The following MTUS2 variants were observed in gnomAD, a reference collection of about 807,000 sequenced individuals.
MTUS2 encodes microtubule associated scaffold protein 2, also known as microtubule-associated tumor suppressor candidate 2.
In MTUS2, 40 loss-of-function variants were observed where a neutral mutation model predicts 114.1. The observed-to-expected ratio is 0.35, with a 90% CI of 0.27 to 0.46. MTUS2 has a LOEUF of 0.46. MTUS2 is among the 20% of genes least tolerant of loss of function. The probability of loss-of-function intolerance (pLI) is 1.00; values close to 1 mark genes in which losing one functional copy is unlikely to be tolerated. For missense variants in MTUS2, 1,679 were observed against 1,705.4 expected (o/e 0.98, Z 0.27); for synonymous variants, 688 against 672.0 (o/e 1.02, Z -0.37).
At chr13:29,272,397 ATCT>A (rs1391605643) in intron 5 of MTUS2, among the ~76,000 whole-genome samples, 2 of 152,192 alleles carry the variant, frequency 1.3e-5, no homozygotes, top group Non-Finnish European at 2.9e-5. Context: ...CTATGATGCC[ATCT>A]TCTTATTAAT....
chr13:29,487,370 A>G (rs1881698464), intron 10 of MTUS2: 1 of 153,690 alleles, frequency 6.5e-6, no homozygotes. Flanking sequence ...AACGTTTCAT[A>G]TTTCTCTTAG....
chr13:29,311,305 T>C (rs1899750444), intron 6 of MTUS2, among the ~76,000 whole-genome samples: 1 of 152,232 alleles, frequency 6.6e-6, no homozygotes, highest in African/African-American at 2.4e-5. Context: ...TGGCTGCCAG[T>C]GATCTTCTAT....
intron 9 of MTUS2, among the ~76,000 whole-genome samples, chr13:29,473,380 G>A (rs1220053732): frequency 6.6e-6 from 1 of 152,034 alleles, no homozygotes. Context: ...AAGACACTTG[G>A]GACAGTCGTT....
chr13:28,912,132 A>C (rs1415355379), intron 2 of MTUS2, among the ~76,000 whole-genome samples: 2 of 151,260 alleles, frequency 1.3e-5, no homozygotes, highest in East Asian at 3.9e-4. Context: ...TTATTTTTTT[A>C]ATAGTTTTGA....
chr13:29,487,703 A>T (rs1881729171), intron 10 of MTUS2, 197 bp from the exon 11 acceptor site: 1 of 596,608 alleles, frequency 1.7e-6, no homozygotes, highest in Admixed American at 2.8e-5. Context: ...CCCCCTACAA[A>T]GAGCCAGGTT....
At chr13:29,225,766 G>T (rs905691067) in intron 5 of MTUS2, among the ~76,000 whole-genome samples, 4 of 152,112 alleles carry the variant, frequency 2.6e-5, no homozygotes, top group Non-Finnish European at 5.9e-5. Context: ...CTGACCGAAA[G>T]AATATTTTCT....
At chr13:28,912,009 C>T (rs972229544) in intron 2 of MTUS2, among the ~76,000 whole-genome samples, 5 of 151,840 alleles carry the variant, frequency 3.3e-5, no homozygotes, top group African/African-American at 7.2e-5. Context: ...TAGTTTAATT[C>T]GATTCCATTT....
At chr13:29,321,338 C>A (rs1467336702) in intron 6 of MTUS2, among the ~76,000 whole-genome samples, 1 of 152,188 alleles carries the variant, frequency 6.6e-6, no homozygotes, top group Non-Finnish European at 1.5e-5. Flanking sequence ...ACCACACTAG[C>A]ATTTCTAGAC....
At chr13:28,834,163 A>G (rs1055625882) in intron 1 of MTUS2, among the ~76,000 whole-genome samples, 4 of 152,104 alleles carry the variant, frequency 2.6e-5, no homozygotes, top group Non-Finnish European at 5.9e-5. Flanking sequence ...CTCCCAATAA[A>G]TTGAAAAGCT....
At chr13:29,232,489 G>A (rs1175721328) in intron 5 of MTUS2, among the ~76,000 whole-genome samples, 1 of 152,130 alleles carries the variant, frequency 6.6e-6, no homozygotes, top group African/African-American at 2.4e-5. Context: ...AGTAAGACCA[G>A]ACTCTGGACT....
At chr13:29,356,662 A>T (rs943060106) in intron 7 of MTUS2, among the ~76,000 whole-genome samples, 5 of 152,354 alleles carry the variant, frequency 3.3e-5, no homozygotes, top group African/African-American at 1.2e-4. Flanking sequence ...TTTAGCGAAG[A>T]CAAAAGACTG....
chr13:29,347,692 G>T (rs1868845219), intron 7 of MTUS2, among the ~76,000 whole-genome samples: 1 of 152,048 alleles, frequency 6.6e-6, no homozygotes, highest in South Asian at 2.1e-4. Flanking sequence ...GACCACACAG[G>T]TTAAGGGCTC....
At position 29,453,879 on chromosome 13, in the gene MTUS2, CAT is replaced by C. The variant is rs555437800; in HGVS notation, c.3184+13831_3184+13832del. Among the ~76,000 whole-genome samples, 405 of 152,154 alleles carry C rather than the reference CAT, an allele frequency of 2.7e-3. 6 individuals carry two copies. The highest frequency in any genetic ancestry group is 9.0e-3 in the African/African-American group (373 of 41,532). ...AATGATTCTTGGCAGATTTTTTTAA[CAT>C]GTGATTTTTTTGTGTCATGTCTAAG... On this transcript the variant is annotated intron_variant, in intron 9 of 15. Transcript: ENST00000612955.
At chr13:29,406,994 C>G (rs1030815835) in intron 8 of MTUS2, among the ~76,000 whole-genome samples, 1 of 152,292 alleles carries the variant, frequency 6.6e-6, no homozygotes, top group Admixed American at 6.5e-5. Flanking sequence ...GCCTGTAATC[C>G]CAGCACTTTG....
intron 2 of MTUS2, among the ~76,000 whole-genome samples, chr13:28,942,443 A>G (rs1287591810): frequency 1.3e-5 from 2 of 152,256 alleles, no homozygotes; most frequent in Non-Finnish European, 2.9e-5. Context: ...TGCCTTATAG[A>G]CTAGTAATTA....
intron 2 of MTUS2, among the ~76,000 whole-genome samples, chr13:28,873,581 G>A (rs751600971): frequency 6.6e-6 from 1 of 152,160 alleles, no homozygotes. Flanking sequence ...TCAGTGTCTT[G>A]TATCCATTAA....
At chr13:29,113,472 G>A (rs894735932) in intron 5 of MTUS2, among the ~76,000 whole-genome samples, 35 of 152,256 alleles carry the variant, frequency 2.3e-4, no homozygotes, top group African/African-American at 7.5e-4. Flanking sequence ...GTGCCCAATC[G>A]AAATTTCTGC....
chr13:29,439,061 G>A (rs1877634278), intron 8 of MTUS2, among the ~76,000 whole-genome samples: 1 of 152,126 alleles, frequency 6.6e-6, no homozygotes, highest in Non-Finnish European at 1.5e-5. Context: ...CTAGGTATTC[G>A]GTCCACATTT....
chr13:28,872,097 C>G, intron 2 of MTUS2, among the ~76,000 whole-genome samples: 1 of 152,126 alleles, frequency 6.6e-6, no homozygotes. Context: ...AAAATGTTGA[C>G]CATGGTTATA....
Sources: allele counts gnomAD v4.1 joint callset (sites outside exome capture counted in the v4.1 genomes callset), GRCh38; gene constraint gnomAD v4.1.1; transcripts MANE v1.5; gene names NCBI Gene and HGNC (gene_info 2026-07-23, HGNC 2026-07-21).